MAP3K14: variants seen among roughly 807,000 people sequenced by gnomAD.
The protein encoded by MAP3K14 is NF-kappa-beta-inducing kinase.
In MAP3K14, 16 loss-of-function variants were observed where a neutral mutation model predicts 99.2. That is an observed-to-expected ratio of 0.16 (90% confidence interval 0.11 to 0.24). The LOEUF (loss-of-function observed/expected upper bound fraction) is 0.24. Ranked by LOEUF, MAP3K14 falls within the 10% of genes least tolerant of loss-of-function variation. The pLI is 1.00. For synonymous variants in MAP3K14, 462 were observed against 492.4 expected (o/e 0.94, Z 0.82); for missense variants, 784 against 1,208.7 (o/e 0.65, Z 5.21).
At chr17:45,278,997 A>C (rs984259060) in intron 6 of MAP3K14, among the ~76,000 whole-genome samples, 5 of 152,166 alleles carry the variant, frequency 3.3e-5, no homozygotes, top group Non-Finnish European at 7.3e-5. Context: ...CTTAGGACTG[A>C]GCATCCCCAG....
chr17:45,273,528 A>G lies in MAP3K14; in HGVS notation c.1632T>C (p.Asp544=), dbSNP rs1393743178. The change falls in exon 9 of 16, where the codon GAT becomes GAC. Residue 544 remains aspartate (D), a synonymous_variant. Coordinates refer to ENST00000344686, the MANE Select transcript of MAP3K14 (RefSeq NM_003954.5). ...CTGTGAGCAAGGACTTTCCCAGGCC[A>G]TCAGGTTGAAGACACACAGCATGGC... ...DFGHAVCLQP[D]GLGKSLLTGD... 1 of 1,612,522 alleles carries G rather than the reference A, an allele frequency of 6.2e-7. No individual in the cohort carries two copies.
At chr17:45,278,688 T>A (rs568416676) in intron 6 of MAP3K14, among the ~76,000 whole-genome samples, 132 of 152,030 alleles carry the variant, frequency 8.7e-4, no homozygotes, top group African/African-American at 3.0e-3. Context: ...ACTTTTTTTT[T>A]TTTTTTTTGA....
chr17:45,301,141 C>T (rs1482635521), intron 1 of MAP3K14, among the ~76,000 whole-genome samples: 1 of 149,362 alleles, frequency 6.7e-6, no homozygotes. Flanking sequence ...GCACTCCAGC[C>T]TGGACAACAG....
chr17:45,273,676 G>T, intron 8 of MAP3K14, 69 bp from the exon 9 acceptor site: 1 of 1,203,358 alleles, frequency 8.3e-7, no homozygotes, highest in Non-Finnish European at 1.2e-6. Flanking sequence ...CCCTGGCTCG[G>T]TTTGGCCTGC....
chr17:45,299,972 C>A (rs1337956450), intron 1 of MAP3K14, among the ~76,000 whole-genome samples: 1 of 152,106 alleles, frequency 6.6e-6, no homozygotes, highest in Non-Finnish European at 1.5e-5. Flanking sequence ...TGCCTGTAAT[C>A]CCAGCTACTC....
Position 45,316,201 on chromosome 17 carries a change from G to A in MAP3K14, c.-21+759C>T, listed in dbSNP as rs115942575. Among the ~76,000 whole-genome samples, 1,070 of 152,328 alleles carry A rather than the reference G, an allele frequency of 7.0e-3. 21 individuals are homozygous for A. Among genetic ancestry groups the A allele is most frequent in the African/African-American group, 0.025 (1,042 of 41,556 alleles). Reference sequence around the variant, plus strand: ...GCAACTTTTTAACCTCGACTAGGAAGGAAACACTTTTTCTGAAGCTACCCA... The same window carrying A: ...GCAACTTTTTAACCTCGACTAGGAAAGAAACACTTTTTCTGAAGCTACCCA... On this transcript the variant is annotated intron_variant, in intron 1 of 15. Coordinates refer to ENST00000344686, the MANE Select transcript of MAP3K14 (RefSeq NM_003954.5).
Position 45,267,920 on chromosome 17 carries a change from G to A in MAP3K14, c.1973-161C>T. On this transcript the variant is annotated intron_variant, in intron 11 of 15. Coordinates refer to ENST00000344686, the MANE Select transcript of MAP3K14 (RefSeq NM_003954.5). This position sits in a 1 kb window ranked among gnomAD's most constrained non-coding sequence, Gnocchi z 5.1. ...AGGTGGCTCCAGAGGGCAGCATGGT[G>A]GTCTCCACAGGAGACTTCCTCAATA... 1.6e-6 allele frequency: 1 copy of A among 616,770 alleles called. No homozygotes were observed. The highest frequency in any genetic ancestry group is 2.0e-5 in the South Asian group (1 of 48,830). 38.2% of individuals were successfully genotyped at this position (616,770 alleles called of 1,614,324 possible).
At chr17:45,279,833 C>T (rs986209327) in intron 6 of MAP3K14, among the ~76,000 whole-genome samples, 1 of 152,206 alleles carries the variant, frequency 6.6e-6, no homozygotes, top group African/African-American at 2.4e-5. Context: ...AAAGGGGCTA[C>T]CACAGTACTG....
intron 1 of MAP3K14, among the ~76,000 whole-genome samples, chr17:45,294,950 TTCTATTGG>T (rs1598259978): frequency 6.6e-6 from 1 of 152,216 alleles, no homozygotes. Flanking sequence ...TTGCAGAAAG[TTCTATTGG>T]ACAGTGCTGT....
At chr17:45,315,175 T>C (rs1334318511) in intron 1 of MAP3K14, among the ~76,000 whole-genome samples, 1 of 151,804 alleles carries the variant, frequency 6.6e-6, no homozygotes, top group Non-Finnish European at 1.5e-5. Flanking sequence ...CTTCATCTGT[T>C]GAGGCGAAAC....
In MAP3K14 at chr17:45,286,476, C is replaced by A. The variant is rs754170947; in HGVS notation, c.1107G>T (p.Glu369Asp). Residue 369 changes from glutamate (E) to aspartate (D), a missense_variant, in exon 5 of 16, where the codon GAG (glutamate) becomes GAT (aspartate). Coordinates refer to ENST00000344686, the MANE Select transcript of MAP3K14 (RefSeq NM_003954.5). The surrounding 1 kb of genome is among the most constrained non-coding windows in gnomAD (Gnocchi z 4.1). The stretch of plus-strand genomic sequence containing the variant: ...CGTTGTCCTCAGTTTTGGGGCTGGG[C>A]TCCCGGGATCTGGAGCCCCTTGCTG... ...TWAARGSRSR[E>D]PSPKTEDNEG... 1.2e-6 allele frequency: 2 copies of A among 1,602,192 alleles called. No homozygotes were observed. Among genetic ancestry groups the A allele is most frequent in the South Asian group, 1.1e-5 (1 of 89,238 alleles).
intron 10 of MAP3K14, 192 bp downstream of exon 10, chr17:45,270,866 G>A: frequency 2.3e-6 from 2 of 851,906 alleles, no homozygotes; most frequent in South Asian, 3.0e-5. Context: ...CATGAACTTG[G>A]TGAGCCTCCG....
intron 6 of MAP3K14, among the ~76,000 whole-genome samples, chr17:45,275,749 TC>T (rs1385057251): frequency 7.0e-6 from 1 of 142,398 alleles, no homozygotes. Context: ...CATTTTTTTT[TC>T]TTTTCTTTTC....
At chr17:45,275,439 G>A (rs1332543105) in intron 6 of MAP3K14, among the ~76,000 whole-genome samples, 33 of 148,028 alleles carry the variant, frequency 2.2e-4, no homozygotes, top group African/African-American at 7.7e-4. Context: ...AGCCGAGGTC[G>A]CACCACTGCG....
At chr17:45,315,542 G>A (rs2044523666) in intron 1 of MAP3K14, among the ~76,000 whole-genome samples, 1 of 152,148 alleles carries the variant, frequency 6.6e-6, no homozygotes. Flanking sequence ...GAAACTGATT[G>A]ATATCACTTA....
intron 1 of MAP3K14, among the ~76,000 whole-genome samples, chr17:45,311,005 C>A (rs1343195890): frequency 6.6e-6 from 1 of 151,868 alleles, no homozygotes; most frequent in Non-Finnish European, 1.5e-5. Context: ...AAAGGAGAAG[C>A]TAGTTTAAAA....
Position 45,267,114 on chromosome 17 carries a change from G to A in MAP3K14, c.2411C>T (p.Ser804Phe), listed in dbSNP as rs779963599. The change falls in exon 13 of 16, where the codon TCC (serine) becomes TTC (phenylalanine). Residue 804 changes from serine to phenylalanine, a missense_variant. Around this residue, in one of 5 missense-constraint regions of MAP3K14, gnomAD observed 130 missense variants for 220.4 expected, o/e 0.59. Coordinates refer to ENST00000344686, the MANE Select transcript of MAP3K14 (RefSeq NM_003954.5). This position sits in a 1 kb window ranked among gnomAD's most constrained non-coding sequence, Gnocchi z 5.1. ...ILSCLSIDSLSLSDDSEKNPS... is the reference protein window; with the variant it reads ...ILSCLSIDSLFLSDDSEKNPS... ...CACCTTCTCACTGTCATCCGACAGG[G>A]AGAGGCTGTCGATGCTGAGGCACGA... 6.9e-6 allele frequency: 11 copies of A among 1,593,248 alleles called. No homozygotes were observed. The highest frequency in any genetic ancestry group is 2.3e-5 in the East Asian group (1 of 43,910).
At chr17:45,316,405 G>A (rs960144221) in intron 1 of MAP3K14, among the ~76,000 whole-genome samples, 3 of 152,248 alleles carry the variant, frequency 2.0e-5, no homozygotes, top group Non-Finnish European at 4.4e-5. Flanking sequence ...GAGGAGGACT[G>A]GGGTCCGAGG....
chr17:45,315,133 T>A (rs1221280905), intron 1 of MAP3K14, among the ~76,000 whole-genome samples: 1 of 152,046 alleles, frequency 6.6e-6, no homozygotes, highest in Non-Finnish European at 1.5e-5. Context: ...GGAGTCAGTG[T>A]TCAACAGGAG....
Sources: allele counts gnomAD v4.1 joint callset (sites outside exome capture counted in the v4.1 genomes callset), GRCh38; gene constraint gnomAD v4.1.1; regional missense constraint gnomAD v4.1.1; non-coding constraint Gnocchi (gnomAD v3.1); transcripts MANE v1.5; gene names NCBI Gene and HGNC (gene_info 2026-07-23, HGNC 2026-07-21).